CDON: variants seen among roughly 807,000 people sequenced by gnomAD.
The protein encoded by CDON is cell adhesion associated, oncogene regulated, also known as cell adhesion molecule-related/down-regulated by oncogenes.
Under a neutral mutation model 120.9 loss-of-function variants are expected in CDON, and 73 were observed. The ratio of observed to expected loss-of-function variants is 0.60; its 90% CI spans 0.50 to 0.73. The LOEUF (loss-of-function observed/expected upper bound fraction) is 0.73. Ranked by LOEUF, CDON falls within the 30% of genes least tolerant of loss-of-function variation. The pLI is 0.00. For synonymous variants in CDON, 566 were observed against 573.5 expected, an observed-to-expected ratio of 0.99 and a Z score of 0.19; for missense variants, 1,470 against 1,587.3, an observed-to-expected ratio of 0.93 and a Z score of 1.26.
chr11:125,973,303 C>T lies in CDON; in HGVS notation c.3356+5001G>A, dbSNP rs187678194. 6.6e-3 allele frequency among the ~76,000 whole-genome samples: 1,000 copies of T among 152,118 alleles called. 4 individuals are homozygous for T. The highest frequency in any genetic ancestry group is 0.011 in the Non-Finnish European group (754 of 67,982). On this transcript the variant is annotated intron_variant, in intron 18 of 19. Coordinates refer to ENST00000531738, the MANE Select transcript of CDON (RefSeq NM_001378964.1). Reference sequence around the variant, plus strand: ...ATCCCAGCACTTTGGGAGGCCAAGACGGGTGGATCATGAGGTTAGGAGTTC... The same window carrying T: ...ATCCCAGCACTTTGGGAGGCCAAGATGGGTGGATCATGAGGTTAGGAGTTC...
At chr11:125,976,894 C>T (rs1565497588) in intron 18 of CDON, among the ~76,000 whole-genome samples, 2 of 152,192 alleles carry the variant, frequency 1.3e-5, no homozygotes, top group Non-Finnish European at 2.9e-5. Flanking sequence ...CAGGTTTAAG[C>T]TATGTCACAG....
intron 1 of CDON, among the ~76,000 whole-genome samples, chr11:126,040,287 T>C (rs1948220594): frequency 1.3e-5 from 2 of 152,138 alleles, no homozygotes; most frequent in African/African-American, 4.8e-5. Context: ...AACCACTAGT[T>C]TGTCAGTTCC....
At chr11:126,024,562 G>C (rs973404276) in intron 1 of CDON, among the ~76,000 whole-genome samples, 1 of 151,666 alleles carries the variant, frequency 6.6e-6, no homozygotes, top group African/African-American at 2.4e-5. Flanking sequence ...AAATGGGGAA[G>C]ACTAGAGGAG....
intron 18 of CDON, among the ~76,000 whole-genome samples, chr11:125,977,913 C>T (rs1462565458): frequency 6.6e-6 from 1 of 151,774 alleles, no homozygotes; most frequent in Non-Finnish European, 1.5e-5. Context: ...CAGAGGGTTC[C>T]CCCCTCCCCC....
rs374113801 is a variant in CDON, at chr11:126,021,271, C to T, written c.326G>A (p.Gly109Asp). Reference sequence around the variant, plus strand: ...ACCTGCCACAGATACTGTCGCAGGGCCACTCACAATGGCACCGATGCTATT... The same window carrying T: ...ACCTGCCACAGATACTGTCGCAGGGTCACTCACAATGGCACCGATGCTATT... ...ANNSIGAIVS[G>D]PATVSVAVLG... Residue 109 changes from glycine to aspartate, a missense_variant, in exon 3 of 20, where the codon GGC becomes GAC. Coordinates refer to ENST00000531738, the MANE Select transcript of CDON (RefSeq NM_001378964.1). The T allele has an allele frequency of 1.2e-6, 2 of 1,614,086 alleles. No homozygotes were observed. The highest frequency in any genetic ancestry group is 2.7e-5 in the African/African-American group (2 of 75,058).
chr11:126,019,832 T>G (rs1947582199), intron 3 of CDON, 67 bp from the exon 4 acceptor site: 7 of 1,448,660 alleles, frequency 4.8e-6, no homozygotes, highest in Admixed American at 1.8e-5. Flanking sequence ...CAAAGGAAAT[T>G]TACAAATTAG....
upstream of CDON, chr11:126,062,923 C>T (rs1948841373): frequency 6.6e-6 from 1 of 151,814 alleles, no homozygotes; most frequent in South Asian, 2.1e-4. Context: ...GGGCACGTAA[C>T]TCGGAGGGTG....
Position 125,986,298 on chromosome 11 carries a change from G to C in CDON, c.2774-2205C>G, listed in dbSNP as rs530436013. Reference sequence around the variant, plus strand: ...AACATCACACACTGGGGCCTGTCATGGGGGGAGGGGATGTGGGAGGGGTAG... The same window carrying C: ...AACATCACACACTGGGGCCTGTCATCGGGGGAGGGGATGTGGGAGGGGTAG... On this transcript the variant is annotated intron_variant, in intron 15 of 19. Coordinates refer to ENST00000531738, the MANE Select transcript of CDON (RefSeq NM_001378964.1). 1.1e-4 allele frequency among the ~76,000 whole-genome samples: 17 copies of C among 152,250 alleles called. No homozygotes were observed. In the East Asian group the frequency reaches 2.3e-3, roughly 21 times the overall value.
At chr11:125,971,209 C>A (rs947039713) in intron 18 of CDON, among the ~76,000 whole-genome samples, 6 of 151,928 alleles carry the variant, frequency 3.9e-5, no homozygotes, top group South Asian at 2.1e-4. Flanking sequence ...CAGTGAAACC[C>A]CATCTCTACT....
intron 8 of CDON, among the ~76,000 whole-genome samples, chr11:126,009,767 A>C (rs879875099): frequency 3.3e-5 from 5 of 152,224 alleles, no homozygotes; most frequent in Non-Finnish European, 5.9e-5. Context: ...AATTAAGTCA[A>C]GTTTGAGTCC....
chr11:125,963,018 T>TA (rs1945689105), intron 18 of CDON, among the ~76,000 whole-genome samples: 1 of 152,286 alleles, frequency 6.6e-6, no homozygotes, highest in African/African-American at 2.4e-5. Flanking sequence ...TAATTTTTTT[T>TA]AAACTAGATT....
At chr11:126,045,426 CA>C (rs1477196651) in intron 1 of CDON, among the ~76,000 whole-genome samples, 2 of 151,942 alleles carry the variant, frequency 1.3e-5, no homozygotes, top group African/African-American at 4.8e-5. Flanking sequence ...AAAAAACAGA[CA>C]AAGGAAATAT....
chr11:126,041,948 G>A (rs1277702027), intron 1 of CDON, among the ~76,000 whole-genome samples: 3 of 152,092 alleles, frequency 2.0e-5, no homozygotes, highest in Non-Finnish European at 2.9e-5. Flanking sequence ...GCAATGGCGT[G>A]ATCTCGGCTC....
chr11:125,974,607 T>C (rs1946103689), intron 18 of CDON, among the ~76,000 whole-genome samples: 1 of 152,034 alleles, frequency 6.6e-6, no homozygotes, highest in Non-Finnish European at 1.5e-5. Flanking sequence ...ATCAAATAAT[T>C]AAATATATAA....
Position 126,053,673 on chromosome 11 carries a change from T to C in CDON, c.-62+8906A>G, listed in dbSNP as rs149758982. ...TGTTTTCAATACATTGCAAGCTATG[T>C]AATGTATTGCATACCATATCGAGCC... is the stretch of plus-strand genomic sequence containing the variant. On this transcript the variant is annotated intron_variant, in intron 1 of 19. Transcript: ENST00000531738. Among the ~76,000 whole-genome samples the C allele has an allele frequency of 2.3e-3, 354 of 152,156 alleles. 4 individuals are homozygous for C. The highest frequency in any genetic ancestry group is 8.1e-3 in the African/African-American group (337 of 41,400).
chr11:126,050,182 C>G (rs958653413), intron 1 of CDON, among the ~76,000 whole-genome samples: 3 of 148,530 alleles, frequency 2.0e-5, no homozygotes, highest in African/African-American at 7.5e-5. Flanking sequence ...ATCTAGAATG[C>G]AGAGCTTGTG....
chr11:125,986,026 G>C (rs1946449271), intron 15 of CDON, among the ~76,000 whole-genome samples: 1 of 152,170 alleles, frequency 6.6e-6, no homozygotes, highest in South Asian at 2.1e-4. Flanking sequence ...CGTATGTTTA[G>C]TGCGGCACTA....
intron 11 of CDON, 117 bp from the exon 12 acceptor site, chr11:125,997,527 T>C: frequency 1.3e-6 from 1 of 793,544 alleles, no homozygotes; most frequent in Non-Finnish European, 2.2e-6. Context: ...ACCAAACTTT[T>C]TGCCAGAGTT....
At chr11:125,992,570 T>C (rs951342170) in intron 14 of CDON, among the ~76,000 whole-genome samples, 3 of 152,190 alleles carry the variant, frequency 2.0e-5, no homozygotes, top group Admixed American at 6.5e-5. Flanking sequence ...GAGCACAGAA[T>C]AGTTTTGGCA....
Sources: allele counts gnomAD v4.1 joint callset (sites outside exome capture counted in the v4.1 genomes callset), GRCh38; gene constraint gnomAD v4.1.1; transcripts MANE v1.5; gene names NCBI Gene and HGNC (gene_info 2026-07-23, HGNC 2026-07-21).